Variants in NLRC5 observed in about 807,000 individuals in gnomAD.
NLRC5 encodes protein NLRC5.
A neutral mutation model predicts 206.9 loss-of-function variants in NLRC5; 114 were observed. The ratio of observed to expected loss-of-function variants is 0.55; its 90% CI spans 0.47 to 0.64. The LOEUF is 0.64. Among genes scored for constraint, NLRC5 ranks in the 30% least tolerant of loss-of-function variants. NLRC5 has a pLI of 0.00. For synonymous variants in NLRC5, 952 were observed against 962.8 expected (o/e 0.99, Z 0.21); for missense variants, 2,008 against 2,305.5 (o/e 0.87, Z 2.64).
chr16:57,006,483 A>G (rs571790760), intron 1 of NLRC5, among the ~76,000 whole-genome samples: 16 of 125,794 alleles, frequency 1.3e-4, no homozygotes, highest in Non-Finnish European at 2.2e-4. Context: ...CAGTGGCACT[A>G]TCTCAGCTTA....
At position 57,058,092 on chromosome 16, in the gene NLRC5, C is replaced by A; in HGVS notation, c.3774C>A (p.Ser1258Arg). 6.2e-7 allele frequency: 1 copy of A among 1,612,494 alleles called. No individual in the cohort carries two copies. Among genetic ancestry groups the A allele is most frequent in the Non-Finnish European group, 8.5e-7 (1 of 1,179,230 alleles). Residue 1258 changes from serine (S) to arginine (R), a missense_variant, in exon 28 of 49, where the codon AGC becomes AGA. By Grantham distance (110) the Ser-to-Arg change is moderately radical. Transcript: ENST00000688547. ...VDLSANLLGD[S>R]GLRCLLECLP... Reference sequence around the variant, plus strand: ...TCTCAGCAAACCTGCTGGGCGACAGCGGACTCAGATGCCTTCTGGAATGTC... The same window carrying A: ...TCTCAGCAAACCTGCTGGGCGACAGAGGACTCAGATGCCTTCTGGAATGTC...
intron 32 of NLRC5, chr16:57,062,445 A>G: frequency 7.5e-6 from 2 of 265,088 alleles, no homozygotes; most frequent in South Asian, 3.8e-5. Flanking sequence ...AACCTGCGGC[A>G]TCACTGCCCC....
chr16:57,015,606 A>G (rs200512949), intron 1 of NLRC5, among the ~76,000 whole-genome samples: 32,291 of 145,346 alleles, frequency 0.22, 4,077 homozygotes, highest in African/African-American at 0.35. Context: ...AAATAAATAA[A>G]TAAATAAATA....
chr16:57,067,492 G>T, intron 35 of NLRC5, 22 bp downstream of exon 35: 1 of 1,611,676 alleles, frequency 6.2e-7, no homozygotes, highest in Non-Finnish European at 8.5e-7. Flanking sequence ...GAAACTCTGT[G>T]TGGGGCCCTG....
At chr16:57,012,515 C>T (rs1173111124) in intron 1 of NLRC5, among the ~76,000 whole-genome samples, 1 of 152,112 alleles carries the variant, frequency 6.6e-6, no homozygotes, top group Non-Finnish European at 1.5e-5. Flanking sequence ...GGCCATCGGG[C>T]GAGTATTACT....
intron 1 of NLRC5, among the ~76,000 whole-genome samples, 159 bp from the exon 2 acceptor site, chr16:57,016,915 A>G (rs914163196): frequency 5.3e-5 from 8 of 152,214 alleles, no homozygotes; most frequent in Non-Finnish European, 1.0e-4. Flanking sequence ...CAGTCGGGGA[A>G]GAACAAGGTC....
chr16:57,042,762 A>G (rs995436591), intron 19 of NLRC5, among the ~76,000 whole-genome samples: 12 of 152,132 alleles, frequency 7.9e-5, no homozygotes, highest in African/African-American at 2.9e-4. Flanking sequence ...CCAGTCGGTA[A>G]ATACATAAAT....
chr16:57,063,747 T>C (rs1489303556), intron 32 of NLRC5, among the ~76,000 whole-genome samples: 3 of 150,564 alleles, frequency 2.0e-5, no homozygotes, highest in Non-Finnish European at 4.4e-5. Context: ...CAAAATAACT[T>C]TTTTTTTTTG....
intron 5 of NLRC5, 126 bp from the exon 6 acceptor site, chr16:57,025,242 C>T (rs1047529708): frequency 6.9e-7 from 1 of 1,447,462 alleles, no homozygotes; most frequent in Non-Finnish European, 9.1e-7. Context: ...TTGACACCCC[C>T]ACCCTCACCC....
intron 19 of NLRC5, 141 bp from the exon 20 acceptor site, chr16:57,043,373 AG>A: frequency 1.3e-6 from 1 of 745,934 alleles, no homozygotes; most frequent in Non-Finnish European, 2.5e-6. Flanking sequence ...AGGACTTGCA[AG>A]GGGTGCTCTC....
In NLRC5 at chr16:57,076,071, G is replaced by A. The variant is rs748426090; in HGVS notation, c.4752-748G>A. ...TGGGATTACAGGTATGCACCACCACGCCCAGATAATTTTTGTATATTTTTA... is the reference window on the plus strand; with the variant it reads ...TGGGATTACAGGTATGCACCACCACACCCAGATAATTTTTGTATATTTTTA... On this transcript the variant is annotated intron_variant, in intron 39 of 48. Coordinates refer to ENST00000688547, the MANE Select transcript of NLRC5 (RefSeq NM_001384950.1). 20 of 195,358 alleles carry A rather than the reference G, an allele frequency of 1.0e-4. No individual in the cohort carries two copies. In the South Asian group the frequency reaches 1.1e-3, roughly 11 times the overall value. The allele number at this position is 195,358 out of a possible 1,614,324, so 12.1% of individuals were successfully genotyped here. A position where few individuals can be genotyped will look rare whatever the true frequency, so the allele number is the denominator to read the frequency against.
At chr16:57,079,352 T>C in intron 45 of NLRC5, 60 bp downstream of exon 45, 1 of 1,576,718 alleles carries the variant, frequency 6.3e-7, no homozygotes, top group Non-Finnish European at 8.7e-7. Context: ...AGCCCTTCTC[T>C]GACTGAGCCT....
intron 1 of NLRC5, chr16:57,013,596 G>A: frequency 8.9e-7 from 1 of 1,123,008 alleles, no homozygotes; most frequent in Non-Finnish European, 1.4e-6. Flanking sequence ...TCAACAAGTT[G>A]ATTTTCAAGC....
chr16:57,043,574 C>A lies in NLRC5; in HGVS notation c.3173C>A (p.Thr1058Asn). Residue 1058 changes from threonine (T) to asparagine (N), a missense_variant, in exon 20 of 49, where the codon ACT (threonine) becomes AAT (asparagine). By Grantham distance (65) the Thr-to-Asn change is moderately conservative. Transcript: ENST00000688547. ...AVLGLVRCFS[T>N]LQWLFRLDIS... ...TTGGGTTTGGTTCGGTGCTTCTCCA[C>A]TCTGCAGTGGCTCTTCCGCTTGGAC... The A allele has an allele frequency of 6.2e-7, 1 of 1,614,154 alleles. No individual in the cohort carries two copies. Among genetic ancestry groups the A allele is most frequent in the Non-Finnish European group, 8.5e-7 (1 of 1,180,016 alleles).
chr16:57,075,862 C>T (rs1180755901), intron 39 of NLRC5: 1 of 152,454 alleles, frequency 6.6e-6, no homozygotes, highest in East Asian at 1.9e-4. Context: ...ACCATTTCAC[C>T]CAAAATTAAT....
At chr16:57,042,998 G>A (rs2063482614) in intron 19 of NLRC5, among the ~76,000 whole-genome samples, 1 of 152,018 alleles carries the variant, frequency 6.6e-6, no homozygotes, top group South Asian at 2.1e-4. Flanking sequence ...TTATTAGTGT[G>A]GACTCGTGAC....
At position 57,067,982 on chromosome 16, in the gene NLRC5, T is replaced by C. The variant is rs7191317; in HGVS notation, c.4499+154T>C. ...TGGCCCTGGAGATGATTTTTAGGGG[T>C]ACCTAGTCGTAAACATGACCTTAGG... is the stretch of plus-strand genomic sequence containing the variant. On this transcript the variant is annotated intron_variant, in intron 36 of 48. Coordinates refer to ENST00000688547, the MANE Select transcript of NLRC5 (RefSeq NM_001384950.1). 7.4e-3 allele frequency among the ~76,000 whole-genome samples: 1,129 copies of C among 152,264 alleles called. 12 individuals carry two copies. Among genetic ancestry groups the C allele is most frequent in the African/African-American group, 0.025 (1,042 of 41,532 alleles).
At chr16:57,015,019 C>T (rs2059901107) in intron 1 of NLRC5, among the ~76,000 whole-genome samples, 1 of 151,940 alleles carries the variant, frequency 6.6e-6, no homozygotes, top group South Asian at 2.1e-4. Context: ...ACCTCTGCCT[C>T]CTGGCTTCAA....
chr16:57,027,066 G>A, intron 6 of NLRC5, 48 bp downstream of exon 6: 2 of 1,574,864 alleles, frequency 1.3e-6, no homozygotes, highest in Non-Finnish European at 8.6e-7. Context: ...GCTTTTGGGG[G>A]AGCAGAGGCC....
Sources: gnomAD v4.1 joint callset for allele counts (sites outside exome capture counted in the v4.1 genomes callset) on GRCh38, gnomAD v4.1.1 for gene constraint, MANE v1.5 for transcripts, NCBI Gene and HGNC (gene_info 2026-07-23, HGNC 2026-07-21) for gene names.